Variants in FAM107B observed in about 807,000 individuals in gnomAD.
The protein encoded by FAM107B is protein FAM107B.
In FAM107B, 21 loss-of-function variants were observed where a neutral mutation model predicts 31.5. The ratio of observed to expected loss-of-function variants is 0.67; its 90% CI spans 0.47 to 0.96. The LOEUF (loss-of-function observed/expected upper bound fraction) is 0.96, where lower values mean the gene tolerates loss of function less well. Ranked by LOEUF, FAM107B falls within the 40% of genes least tolerant of loss-of-function variation. The pLI is 0.00. For missense variants in FAM107B, 452 were observed against 377.1 expected, an observed-to-expected ratio of 1.20 and a Z score of -1.64; for synonymous variants, 157 against 141.5, an observed-to-expected ratio of 1.11 and a Z score of -0.78.
At chr10:14,681,301 G>C (rs1031999011) in intron 1 of FAM107B, among the ~76,000 whole-genome samples, 5 of 152,158 alleles carry the variant, frequency 3.3e-5, no homozygotes, top group Non-Finnish European at 7.3e-5. Context: ...GAGAATCACC[G>C]TTGCAAAGGA....
intron 1 of FAM107B, among the ~76,000 whole-genome samples, chr10:14,752,284 C>A (rs1227025207): frequency 6.6e-6 from 1 of 152,178 alleles, no homozygotes; most frequent in Non-Finnish European, 1.5e-5. Flanking sequence ...GCCCCTCACT[C>A]ACCTCTTTGC....
intron 2 of FAM107B, among the ~76,000 whole-genome samples, chr10:14,572,736 A>ATTTTATATATATATACATATATATAT (rs1455058375): frequency 1.0e-4 from 9 of 86,490 alleles, no homozygotes; most frequent in African/African-American, 3.2e-4. Flanking sequence ...AAAAAAAAAA[A>ATTTTATATATATATACATATATATAT]ATTTATATAT....
At chr10:14,593,942 A>G (rs1852098679) in intron 2 of FAM107B, among the ~76,000 whole-genome samples, 1 of 152,270 alleles carries the variant, frequency 6.6e-6, no homozygotes, top group South Asian at 2.1e-4. Flanking sequence ...ATACAATTAG[A>G]TAAACATGTT....
At chr10:14,660,753 T>C (rs914799612) in intron 2 of FAM107B, among the ~76,000 whole-genome samples, 4 of 152,174 alleles carry the variant, frequency 2.6e-5, no homozygotes, top group African/African-American at 9.7e-5. Flanking sequence ...AGAGAGTAAA[T>C]GAAGCCTCAT....
At chr10:14,556,702 C>T (rs539408412) in intron 2 of FAM107B, among the ~76,000 whole-genome samples, 21 of 152,224 alleles carry the variant, frequency 1.4e-4, no homozygotes, top group Non-Finnish European at 2.5e-4. Flanking sequence ...CTCAAAGATA[C>T]CCAGATAGTT....
chr10:14,602,020 C>T (rs1240992076), intron 2 of FAM107B, among the ~76,000 whole-genome samples: 2 of 152,216 alleles, frequency 1.3e-5, no homozygotes, highest in Non-Finnish European at 2.9e-5. Flanking sequence ...CCATTTTTAA[C>T]CACCCAAGGA....
At chr10:14,554,811 A>G (rs990616883) in intron 2 of FAM107B, among the ~76,000 whole-genome samples, 2 of 152,264 alleles carry the variant, frequency 1.3e-5, no homozygotes, top group Non-Finnish European at 1.5e-5. Context: ...GTGGGTGAGC[A>G]GAAGCAGCGA....
intron 2 of FAM107B, among the ~76,000 whole-genome samples, chr10:14,577,554 G>A (rs544411742): frequency 6.6e-6 from 1 of 152,260 alleles, no homozygotes; most frequent in African/African-American, 2.4e-5. Context: ...CTGTATTTCC[G>A]AAGGTATACA....
At chr10:14,737,794 C>CTT (rs1371489067) in intron 1 of FAM107B, among the ~76,000 whole-genome samples, 5 of 151,286 alleles carry the variant, frequency 3.3e-5, no homozygotes, top group Non-Finnish European at 7.4e-5. Flanking sequence ...CTCTCTCTCT[C>CTT]TCTCTCCTTC....
intron 1 of FAM107B, among the ~76,000 whole-genome samples, chr10:14,735,169 T>A (rs1856271122): frequency 6.6e-6 from 1 of 152,234 alleles, no homozygotes; most frequent in Non-Finnish European, 1.5e-5. Flanking sequence ...CGGCCTTTTG[T>A]GATAGGATAG....
chr10:14,696,801 A>G (rs1002763403), intron 1 of FAM107B, among the ~76,000 whole-genome samples: 8 of 152,230 alleles, frequency 5.3e-5, no homozygotes, highest in African/African-American at 1.9e-4. Context: ...ACTCAATCTG[A>G]CTTTGCAGAG....
chr10:14,609,157 A>G (rs948768553), intron 2 of FAM107B, among the ~76,000 whole-genome samples: 2 of 152,346 alleles, frequency 1.3e-5, no homozygotes, highest in South Asian at 2.1e-4. Context: ...CTATAATGCA[A>G]CTAAGGTGCA....
chr10:14,732,521 C>T (rs912939940), intron 1 of FAM107B, among the ~76,000 whole-genome samples: 5 of 151,972 alleles, frequency 3.3e-5, no homozygotes, highest in South Asian at 2.1e-4. Flanking sequence ...AGGGCTGTTT[C>T]GAGAAGCAAA....
chr10:14,766,040 C>G (rs1472871524), intron 1 of FAM107B, among the ~76,000 whole-genome samples: 7 of 152,168 alleles, frequency 4.6e-5, no homozygotes, highest in African/African-American at 1.2e-4. Context: ...ACCCCCAAGT[C>G]TTGGCTTCTA....
At chr10:14,536,881 T>C (rs564114039) in intron 2 of FAM107B, among the ~76,000 whole-genome samples, 1 of 152,346 alleles carries the variant, frequency 6.6e-6, no homozygotes, top group South Asian at 2.1e-4. Context: ...GTTGTACAAA[T>C]GCCAAACAGT....
rs1360989490 is a variant in FAM107B, at chr10:14,593,363, CA to C, written c.470-62849del. On this transcript the variant is annotated intron_variant, in intron 2 of 4. Coordinates refer to ENST00000181796, the MANE Select transcript of FAM107B (RefSeq NM_031453.4). Reference sequence around the variant, plus strand: ...CAGTAAAAACTGTTCTACCAGCAACCAGGGGTAGAACCCAGTGTAACACTAA... The same window carrying C: ...CAGTAAAAACTGTTCTACCAGCAACCGGGGTAGAACCCAGTGTAACACTAA... 5.9e-5 allele frequency among the ~76,000 whole-genome samples: 9 copies of C among 152,176 alleles called. No homozygotes were observed. The East Asian group carries it at 1.4e-3, about 23-fold the overall frequency.
chr10:14,705,223 A>G (rs1855492865), intron 1 of FAM107B, among the ~76,000 whole-genome samples: 1 of 152,130 alleles, frequency 6.6e-6, no homozygotes, highest in Non-Finnish European at 1.5e-5. Context: ...ATAAGCAGTG[A>G]TGAGAATGTA....
At chr10:14,566,018 G>T (rs972748181) in intron 2 of FAM107B, among the ~76,000 whole-genome samples, 1 of 152,168 alleles carries the variant, frequency 6.6e-6, no homozygotes, top group African/African-American at 2.4e-5. Context: ...GACCTTCACA[G>T]CCCCCATGCC....
chr10:14,707,205 G>A (rs778762824), intron 1 of FAM107B, among the ~76,000 whole-genome samples: 4 of 152,074 alleles, frequency 2.6e-5, no homozygotes, highest in Non-Finnish European at 5.9e-5. Context: ...TAAATTTCAC[G>A]TTATGTGTAT....
Sources: allele counts gnomAD v4.1 joint callset (sites outside exome capture counted in the v4.1 genomes callset), GRCh38; gene constraint gnomAD v4.1.1; transcripts MANE v1.5; gene names NCBI Gene and HGNC (gene_info 2026-07-23, HGNC 2026-07-21).